The following ANGEL1 variants were observed in gnomAD, a reference collection of about 807,000 sequenced individuals.
The protein encoded by ANGEL1 is angel homolog 1, also known as RNA 2',3'-cyclic phosphatase ANGEL1.
In ANGEL1, 62 loss-of-function variants were observed where a neutral mutation model predicts 76.4. That is an observed-to-expected ratio of 0.81 (90% CI 0.66 to 1.00). The LOEUF is 1.00. Among genes scored for constraint, ANGEL1 ranks in the 50% least tolerant of loss-of-function variants. The pLI is 0.00. For synonymous variants in ANGEL1, 340 were observed against 331.7 expected (o/e 1.03, Z -0.27); for missense variants, 737 against 836.7 (o/e 0.88, Z 1.47).
In ANGEL1 at chr14:76,787,169, C is replaced by T. The variant is rs528465113; in HGVS notation, c.*2059G>A. 5 of 152,320 alleles carry T rather than the reference C, an allele frequency of 3.3e-5. No homozygotes were observed. Among genetic ancestry groups the T allele is most frequent in the African/African-American group, 1.2e-4 (5 of 41,564 alleles). 9.4% of individuals were successfully genotyped at this position (152,320 alleles called of 1,614,324 possible). A position where few individuals can be genotyped will look rare whatever the true frequency, so the allele number is the denominator to read the frequency against. On this transcript the variant is annotated 3_prime_UTR_variant, in exon 10 of 10. Transcript: ENST00000251089. Reference sequence around the variant, plus strand: ...AAGATCAAAAGCTCCTTAGTCTCTTCCTCTGCCCACCTCATTCTTCAGGCC... The same window carrying T: ...AAGATCAAAAGCTCCTTAGTCTCTTTCTCTGCCCACCTCATTCTTCAGGCC...
chr14:76,793,559 T>TC (rs1410352244), intron 7 of ANGEL1, among the ~76,000 whole-genome samples: 1 of 145,574 alleles, frequency 6.9e-6, no homozygotes, highest in African/African-American at 2.5e-5. Flanking sequence ...TTTTTTTGGT[T>TC]TTTTTTTTTT....
At chr14:76,793,364 G>A in intron 7 of ANGEL1, among the ~76,000 whole-genome samples, 1 of 29,136 alleles carries the variant, frequency 3.4e-5, no homozygotes, top group African/African-American at 1.3e-4. Flanking sequence ...AGAGGAGAAA[G>A]AGGAGAGGGG....
rs1355856464 is a variant in ANGEL1 at position 76,812,855 on chromosome 14, C to A, written c.-28G>T. ...CCGGCCGCCCGCGCCCGCCTCCGCT[C>A]CTCACTGCAGCCAGCAGGTCCTCCC... On this transcript the variant is annotated 5_prime_UTR_variant, in exon 1 of 10. Coordinates refer to ENST00000251089, the MANE Select transcript of ANGEL1 (RefSeq NM_015305.4). The A allele has an allele frequency of 4.7e-6, 7 of 1,498,076 alleles. No individual in the cohort carries two copies. The highest frequency in any genetic ancestry group is 5.3e-6 in the Non-Finnish European group (6 of 1,126,808). The allele number at this position is 1,498,076 out of a possible 1,614,324, so 92.8% of individuals were successfully genotyped here. A position where few individuals can be genotyped will look rare whatever the true frequency, so the allele number is the denominator to read the frequency against.
At position 76,808,203 on chromosome 14, in the gene ANGEL1, T is replaced by C. The variant is rs190310327; in HGVS notation, c.650-55A>G. 1.1e-4 allele frequency: 158 copies of C among 1,468,984 alleles called. 1 individual carries two copies. The African/African-American group carries it at 1.8e-3, about 17-fold the overall frequency. 91.0% of individuals were successfully genotyped at this position (1,468,984 alleles called of 1,614,324 possible). A position where few individuals can be genotyped will look rare whatever the true frequency, so the allele number is the denominator to read the frequency against. On this transcript the variant is annotated intron_variant, in intron 2 of 9. Coordinates refer to ENST00000251089, the MANE Select transcript of ANGEL1 (RefSeq NM_015305.4). ...GCAAGTATGAGTAATGCAGAGGTGC[T>C]GCCATCTCCACTCCTGACTCAGTAA...
chr14:76,796,712 T>A (rs1318873370), intron 7 of ANGEL1, among the ~76,000 whole-genome samples: 9 of 152,230 alleles, frequency 5.9e-5, no homozygotes, highest in Non-Finnish European at 2.9e-5. Context: ...TCCGACATGT[T>A]ACTTAGTTAT....
rs1359527179 is a variant in ANGEL1, at chr14:76,789,199, A to G, written c.*29T>C. On this transcript the variant is annotated 3_prime_UTR_variant, in exon 10 of 10. Coordinates refer to ENST00000251089, the MANE Select transcript of ANGEL1 (RefSeq NM_015305.4). ...CTCTGATCCAGTGAGCTCTTCTGGA[A>G]GAGAAGCTCTCTTCCCCTGGGAGCC... The G allele has an allele frequency of 6.2e-7, 1 of 1,612,484 alleles. No individual in the cohort carries two copies. The highest frequency in any genetic ancestry group is 8.5e-7 in the Non-Finnish European group (1 of 1,179,432).
rs754400846 is a variant in ANGEL1, at chr14:76,791,356, C to T, written c.1629G>A (p.Ala543=). The T allele has an allele frequency of 2.2e-5, 36 of 1,613,870 alleles. No homozygotes were observed. The highest frequency in any genetic ancestry group is 4.5e-5 in the East Asian group (2 of 44,886). The part of the protein sequence containing the change: ...GVTDTKPERP[A]GWAESVLEED... The stretch of plus-strand genomic sequence containing the variant: ...CCTCAAGGACAGACTCAGCCCAACC[C>T]GCAGGTCGCTCTGCAGAGGACCAGA... Residue 543 remains alanine (A), a synonymous_variant, in exon 8 of 10, where the codon GCG becomes GCA. Coordinates refer to ENST00000251089, the MANE Select transcript of ANGEL1 (RefSeq NM_015305.4).
At chr14:76,806,235 G>A (rs546552882) in intron 5 of ANGEL1, among the ~76,000 whole-genome samples, 181 bp downstream of exon 5, 56 of 152,242 alleles carry the variant, frequency 3.7e-4, no homozygotes, top group East Asian at 1.5e-3. Flanking sequence ...CCAATATGCC[G>A]AAGTACTCAA....
intron 6 of ANGEL1, 59 bp from the exon 7 acceptor site, chr14:76,803,540 C>A: frequency 6.5e-7 from 1 of 1,536,512 alleles, no homozygotes; most frequent in Non-Finnish European, 9.0e-7. Flanking sequence ...ATGCTGAGAC[C>A]TCCTTAGTAC....
intron 7 of ANGEL1, 111 bp from the exon 8 acceptor site, chr14:76,791,477 G>T: frequency 1.1e-6 from 1 of 949,956 alleles, no homozygotes; most frequent in Non-Finnish European, 1.6e-6. Context: ...GCTTCAGAAG[G>T]ATCCAGAAGG....
Position 76,805,012 on chromosome 14 carries a change from AAAATAAATAAAT to A in ANGEL1, c.1381-1112_1381-1101del, listed in dbSNP as rs59478597. ...GCAACAGAGCGAGACTCTGTCTCAAAAAATAAATAAATAAATAAATAAATAAATAAATAAATA... is the reference window on the plus strand; with the variant it reads ...GCAACAGAGCGAGACTCTGTCTCAAAAAATAAATAAATAAATAAATAAATA... On this transcript the variant is annotated intron_variant, in intron 5 of 9. Coordinates refer to ENST00000251089, the MANE Select transcript of ANGEL1 (RefSeq NM_015305.4). Among the ~76,000 whole-genome samples, 145 of 147,042 alleles carry A rather than the reference AAAATAAATAAAT, an allele frequency of 9.9e-4. 1 individual carries two copies. Among genetic ancestry groups the A allele is most frequent in the South Asian group, 8.2e-3 (38 of 4,638 alleles).
chr14:76,796,227 T>C (rs1388497275), intron 7 of ANGEL1, among the ~76,000 whole-genome samples: 1 of 151,738 alleles, frequency 6.6e-6, no homozygotes, highest in Non-Finnish European at 1.5e-5. Flanking sequence ...TTTTTAAATG[T>C]CCAGTTCATA....
intron 5 of ANGEL1, chr14:76,804,550 G>A (rs183586755): frequency 4.5e-4 from 303 of 678,824 alleles, no homozygotes; most frequent in Middle Eastern, 7.7e-4. Flanking sequence ...ACACTAGCTA[G>A]GTGCTGGGGA....
At position 76,804,052 on chromosome 14, in the gene ANGEL1, CA is replaced by C. The variant is rs528199221; in HGVS notation, c.1381-141del. The C allele has an allele frequency of 3.0e-3, 4,644 of 1,550,300 alleles. 15 individuals are homozygous for C. Among genetic ancestry groups the C allele is most frequent in the Non-Finnish European group, 3.8e-3 (4,327 of 1,151,980 alleles). On this transcript the variant is annotated intron_variant, in intron 5 of 9. Transcript: ENST00000251089. The stretch of plus-strand genomic sequence containing the variant: ...ATGGTATAAACAAGCATATAAGTCT[CA>C]GGGGCAGGTTAAAAATAAGGACCAA...
At chr14:76,793,146 AAAT>A (rs2140209729) in intron 7 of ANGEL1, among the ~76,000 whole-genome samples, 1 of 151,792 alleles carries the variant, frequency 6.6e-6, no homozygotes, top group African/African-American at 2.4e-5. Context: ...ATCAAAAATG[AAAT>A]AATTAGGAAA....
At chr14:76,807,533 CAG>C in intron 3 of ANGEL1, 31 bp from the exon 4 acceptor site, 1 of 1,609,004 alleles carries the variant, frequency 6.2e-7, no homozygotes, top group Middle Eastern at 1.7e-4. Context: ...CCAATCACTC[CAG>C]AGTGCTGGAA....
Position 76,793,175 on chromosome 14 carries a change from G to A in ANGEL1, c.1619-1809C>T, listed in dbSNP as rs1225897114. ...AATTAGGAAAAATTTAATAAAAAGT[G>A]TAGGCACACTAAAAATTACAAAACT... On this transcript the variant is annotated intron_variant, in intron 7 of 9. Coordinates refer to ENST00000251089, the MANE Select transcript of ANGEL1 (RefSeq NM_015305.4). 5.3e-5 allele frequency among the ~76,000 whole-genome samples: 8 copies of A among 150,802 alleles called. No individual in the cohort carries two copies. In the East Asian group the frequency reaches 5.9e-4, roughly 11 times the overall value.
chr14:76,799,134 CAGTTA>C (rs1242369461), intron 7 of ANGEL1, among the ~76,000 whole-genome samples: 3 of 152,024 alleles, frequency 2.0e-5, no homozygotes, highest in Admixed American at 1.3e-4. Flanking sequence ...GCTAGTGTCA[CAGTTA>C]AGTTGTCATG....
At position 76,790,720 on chromosome 14, in the gene ANGEL1, G is replaced by A. The variant is rs1252597153; in HGVS notation, c.1743C>T (p.Phe581=). The A allele has an allele frequency of 6.2e-7, 1 of 1,614,182 alleles. No individual in the cohort carries two copies. Among genetic ancestry groups the A allele is most frequent in the East Asian group, 2.2e-5 (1 of 44,884 alleles). The part of the protein sequence containing the change: ...CLHLTSVYTH[F]LPQRGRPEVT... ...CCTCTGGGCGGCCACGCTGGGGCAG[G>A]AAGTGGGTATATACTGACGTCAGGT... The change falls in exon 9 of 10, where the codon TTC becomes TTT. Residue 581 remains phenylalanine (F), a synonymous_variant. Transcript: ENST00000251089.
Sources: gnomAD v4.1 joint callset for allele counts (sites outside exome capture counted in the v4.1 genomes callset) on GRCh38, gnomAD v4.1.1 for gene constraint, MANE v1.5 for transcripts, NCBI Gene and HGNC (gene_info 2026-07-23, HGNC 2026-07-21) for gene names.